Variants in PHLDA1 observed in about 807,000 individuals in gnomAD.
PHLDA1 encodes the protein pleckstrin homology-like domain family A member 1.
Under a neutral mutation model 33.8 loss-of-function variants are expected in PHLDA1, and 28 were observed. The ratio of observed to expected loss-of-function variants is 0.83; its 90% CI spans 0.61 to 1.14. PHLDA1 has a LOEUF of 1.14. Among genes scored for constraint, PHLDA1 ranks in the 50% most tolerant of loss-of-function variants. The pLI is 0.00. For synonymous variants in PHLDA1, 271 were observed against 243.6 expected, an observed-to-expected ratio of 1.11 and a Z score of -1.05; for missense variants, 595 against 548.6, an observed-to-expected ratio of 1.08 and a Z score of -0.84.
exon 2 of PHLDA1, chr12:76,028,620 TTC>T (rs1348098380): frequency 6.6e-6 from 1 of 152,614 alleles, no homozygotes; most frequent in Non-Finnish European, 1.5e-5. Flanking sequence ...GACCAAGACT[TTC>T]TGTGAAAAAG....
chr12:76,031,544 G>T lies in PHLDA1; in HGVS notation c.198C>A (p.Ser66Arg). The T allele has an allele frequency of 6.5e-7, 1 of 1,547,492 alleles. No homozygotes were observed. Among genetic ancestry groups the T allele is most frequent in the Non-Finnish European group, 8.7e-7 (1 of 1,150,652 alleles). Residue 66 changes from serine to arginine, a missense_variant, in exon 1 of 2, where the codon AGC becomes AGA. Physicochemically the swap from Ser to Arg is moderately radical, Grantham distance 110 (BLOSUM62 -1). Around this residue, in one of 3 missense-constraint regions of PHLDA1, gnomAD observed 263 missense variants for 232.3 expected, o/e 1.13. Transcript: ENST00000266671. This position sits in a 1 kb window ranked among gnomAD's most constrained non-coding sequence, Gnocchi z 5.4. ...TCCTGATGCGCCACAAGGTCCCGGA[G>T]CTCCGAGCTGCCGGGCCTCTGCCGT...
At chr12:76,030,998 C>G in exon 1 of PHLDA1, 1 of 1,613,690 alleles carries the variant, frequency 6.2e-7, no homozygotes, top group Non-Finnish European at 8.5e-7. Context: ...AGTACATGTA[C>G]TTGCCCTTGC....
Position 76,031,566 on chromosome 12 carries a change from C to T in PHLDA1, c.176G>A (p.Gly59Asp). 1 of 1,567,488 alleles carries T rather than the reference C, an allele frequency of 6.4e-7. No homozygotes were observed. Among genetic ancestry groups the T allele is most frequent in the Admixed American group, 1.8e-5 (1 of 54,170 alleles). The change falls in exon 1 of 2, where the codon GGC becomes GAC. Residue 59 changes from glycine to aspartate, a missense_variant. Transcript: ENST00000266671. This position sits in a 1 kb window ranked among gnomAD's most constrained non-coding sequence, Gnocchi z 5.4. ...GGAGCTCCGAGCTGCCGGGCCTCTG[C>T]CGTCCTCTTGCGAGCGCTCACTGAA...
exon 1 of PHLDA1, chr12:76,030,510 C>T (rs1342283416): frequency 9.3e-6 from 15 of 1,608,798 alleles, no homozygotes; most frequent in Non-Finnish European, 1.3e-5. Context: ...GGGACCTTAC[C>T]TTGTCTTGCC....
At position 76,031,640 on chromosome 12, in the gene PHLDA1, C is replaced by T; in HGVS notation, c.102G>A (p.Trp34Ter). The change falls in exon 1 of 2, where the codon TGG becomes TGA. Residue 34 changes from tryptophan (W) to a stop codon, truncating the protein, a stop_gained. Transcript: ENST00000266671. LOFTEE classifies it high-confidence loss of function. The surrounding 1 kb of genome is among the most constrained non-coding windows in gnomAD (Gnocchi z 5.4). ...GGCGCTTTTGAATGGGCCATCTTCC[C>T]CACCCCCGAGTGACACCCAGCGGAA... 1.3e-6 allele frequency: 2 copies of T among 1,555,366 alleles called. No homozygotes were observed. The highest frequency in any genetic ancestry group is 1.4e-5 in the African/African-American group (1 of 70,656).
chr12:76,031,425 C>A lies in PHLDA1; in HGVS notation c.317G>T (p.Gly106Val). 2 of 1,552,588 alleles carry A rather than the reference C, an allele frequency of 1.3e-6. No individual in the cohort carries two copies. The highest frequency in any genetic ancestry group is 2.4e-5 in the East Asian group (1 of 42,162). ...CGCGCCGTCCTCGCCCCAGCGGCTCCCACGGCCGCCTGCCCGGAGCGCGCA... is the reference window on the plus strand; with the variant it reads ...CGCGCCGTCCTCGCCCCAGCGGCTCACACGGCCGCCTGCCCGGAGCGCGCA... Residue 106 changes from glycine (G) to valine (V), a missense_variant, in exon 1 of 2, where the codon GGG becomes GTG. This residue lies in a region of PHLDA1 where 263 missense variants were observed against 232.3 expected (regional missense o/e 1.13). Transcript: ENST00000266671. The surrounding 1 kb of genome is among the most constrained non-coding windows in gnomAD (Gnocchi z 5.4).
rs754973888 is a variant in PHLDA1, at chr12:76,031,186, G to C, written c.556C>G (p.Gln186Glu). ...TGCTGCTGCTGCTGGTGTTGCAGCT[G>C]CTTGGGCGGGATAAGCAGCAGCCCT... Residue 186 changes from glutamine to glutamate, a missense_variant, in exon 1 of 2, where the codon CAG (glutamine) becomes GAG (glutamate). By Grantham distance (29) the Gln-to-Glu change is conservative. Transcript: ENST00000266671. The surrounding 1 kb of genome is among the most constrained non-coding windows in gnomAD (Gnocchi z 5.4). The C allele has an allele frequency of 3.1e-6, 5 of 1,612,830 alleles. No individual in the cohort carries two copies. In the East Asian group the frequency reaches 6.7e-5, roughly 22 times the overall value.
chr12:76,031,151 C>T lies in PHLDA1; in HGVS notation c.591G>A (p.Gln197=), dbSNP rs1205181414. The change falls in exon 1 of 2, where the codon CAG becomes CAA. Residue 197 remains glutamine, a synonymous_variant. Coordinates refer to ENST00000266671, the Ensembl canonical transcript of PHLDA1. The surrounding 1 kb of genome is among the most constrained non-coding windows in gnomAD (Gnocchi z 5.4). ...CGGGCTGTTGTTGCTGCTGCTGCTG[C>T]TGCTGTTGCTGCTGCTGCTGCTGGT... 4.8e-6 allele frequency: 7 copies of T among 1,452,264 alleles called. No individual in the cohort carries two copies. The highest frequency in any genetic ancestry group is 6.3e-6 in the Non-Finnish European group (7 of 1,105,320). The allele number at this position is 1,452,264 out of a possible 1,614,324, so 90.0% of individuals were successfully genotyped here.
In PHLDA1 at chr12:76,031,455, A is replaced by T. The variant is rs748245685; in HGVS notation, c.287T>A (p.Leu96His). The T allele has an allele frequency of 3.1e-5, 48 of 1,537,578 alleles. No homozygotes were observed. The highest frequency in any genetic ancestry group is 4.1e-5 in the Non-Finnish European group (47 of 1,143,780). Residue 96 changes from leucine (L) to histidine (H), a missense_variant, in exon 1 of 2, where the codon CTC (leucine) becomes CAC (histidine). Physicochemically the swap from Leu to His is moderately conservative, Grantham distance 99 (BLOSUM62 -3). Transcript: ENST00000266671. This position sits in a 1 kb window ranked among gnomAD's most constrained non-coding sequence, Gnocchi z 5.4. Reference sequence around the variant, plus strand: ...GCCGCCTGCCCGGAGCGCGCAGAGGAGGCTAACACGCAGGAGGCAGAGCGG... The same window carrying T: ...GCCGCCTGCCCGGAGCGCGCAGAGGTGGCTAACACGCAGGAGGCAGAGCGG...
exon 2 of PHLDA1, chr12:76,028,169 CATATACAT>C (rs1212832213): frequency 6.6e-6 from 1 of 152,132 alleles, no homozygotes; most frequent in East Asian, 1.9e-4. Context: ...GCTCTCATTT[CATATACAT>C]ATATACATAC....
exon 2 of PHLDA1, chr12:76,026,305 C>A (rs886971777): frequency 1.3e-5 from 2 of 152,184 alleles, no homozygotes. Context: ...AAGTCTTAGA[C>A]CACTCTTCTA....
exon 1 of PHLDA1, chr12:76,030,673 G>C: frequency 2.5e-6 from 3 of 1,203,932 alleles, no homozygotes; most frequent in Non-Finnish European, 1.2e-6. Context: ...GAGTGTGGAT[G>C]TGGATGTGGA....
chr12:76,029,672 C>T (rs938389202), exon 2 of PHLDA1: 2 of 152,558 alleles, frequency 1.3e-5, no homozygotes, highest in African/African-American at 4.8e-5. Flanking sequence ...TTTTCCCCTC[C>T]ACCGCCCTTT....
chr12:76,030,432 T>A lies in PHLDA1; in HGVS notation c.*26+78A>T, dbSNP rs1870865464. On this transcript the variant is annotated intron_variant, in intron 1 of 1. Transcript: ENST00000266671. Reference sequence around the variant, plus strand: ...GATTTCTCCATACAGGAGCCGAACCTGTGAACAAGCTTCCTACTCCTCCCA... The same window carrying A: ...GATTTCTCCATACAGGAGCCGAACCAGTGAACAAGCTTCCTACTCCTCCCA... 24 of 1,140,570 alleles carry A rather than the reference T, an allele frequency of 2.1e-5. No individual in the cohort carries two copies. In the South Asian group the frequency reaches 3.3e-4, roughly 16 times the overall value. 70.7% of individuals were successfully genotyped at this position (1,140,570 alleles called of 1,614,324 possible).
rs755447642 is a variant in PHLDA1, at chr12:76,031,552, C to G, written c.190G>C (p.Ala64Pro). 2.6e-5 allele frequency: 41 copies of G among 1,553,132 alleles called. No individual in the cohort carries two copies. The highest frequency in any genetic ancestry group is 3.5e-5 in the Non-Finnish European group (40 of 1,153,538). ...CGCCACAAGGTCCCGGAGCTCCGAG[C>G]TGCCGGGCCTCTGCCGTCCTCTTGC... Residue 64 changes from alanine (A) to proline (P), a missense_variant, in exon 1 of 2, where the codon GCT becomes CCT. Transcript: ENST00000266671. The surrounding 1 kb of genome is among the most constrained non-coding windows in gnomAD (Gnocchi z 5.4).
At chr12:76,029,737 C>T (rs879389113) in exon 2 of PHLDA1, 7 of 152,378 alleles carry the variant, frequency 4.6e-5, no homozygotes, top group Non-Finnish European at 8.8e-5. Context: ...AATAAAGTTT[C>T]CTTTTTGGAA....
chr12:76,031,572 T>A lies in PHLDA1; in HGVS notation c.170A>T (p.Glu57Val), dbSNP rs1183069932. The stretch of plus-strand genomic sequence containing the variant: ...CCGAGCTGCCGGGCCTCTGCCGTCC[T>A]CTTGCGAGCGCTCACTGAAGGGCAC... Residue 57 changes from glutamate to valine, a missense_variant, in exon 1 of 2, where the codon GAG (glutamate) becomes GTG (valine). This residue lies in a region of PHLDA1 where 263 missense variants were observed against 232.3 expected (regional missense o/e 1.13). Coordinates refer to ENST00000266671, the Ensembl canonical transcript of PHLDA1. This position sits in a 1 kb window ranked among gnomAD's most constrained non-coding sequence, Gnocchi z 5.4. The A allele has an allele frequency of 3.2e-6, 5 of 1,572,644 alleles. No homozygotes were observed. The highest frequency in any genetic ancestry group is 4.3e-6 in the Non-Finnish European group (5 of 1,162,114).
At position 76,031,432 on chromosome 12, in the gene PHLDA1, C is replaced by A. The variant is rs750110376; in HGVS notation, c.310G>T (p.Gly104Cys). Reference sequence around the variant, plus strand: ...TCCTCGCCCCAGCGGCTCCCACGGCCGCCTGCCCGGAGCGCGCAGAGGAGG... The same window carrying A: ...TCCTCGCCCCAGCGGCTCCCACGGCAGCCTGCCCGGAGCGCGCAGAGGAGG... The change falls in exon 1 of 2, where the codon GGC becomes TGC. Residue 104 changes from glycine (G) to cysteine (C), a missense_variant. This residue lies in a region of PHLDA1 where 263 missense variants were observed against 232.3 expected (regional missense o/e 1.13). Transcript: ENST00000266671. This position sits in a 1 kb window ranked among gnomAD's most constrained non-coding sequence, Gnocchi z 5.4. The A allele has an allele frequency of 5.8e-6, 9 of 1,545,818 alleles. No individual in the cohort carries two copies. Among genetic ancestry groups the A allele is most frequent in the Middle Eastern group, 1.8e-4 (1 of 5,440 alleles).
In PHLDA1 at chr12:76,031,588, T is replaced by G; in HGVS notation, c.154A>C (p.Ser52Arg). 1 of 1,578,080 alleles carries G rather than the reference T, an allele frequency of 6.3e-7. No homozygotes were observed. Among genetic ancestry groups the G allele is most frequent in the Middle Eastern group, 1.7e-4 (1 of 5,932 alleles). The change falls in exon 1 of 2, where the codon AGT (serine) becomes CGT (arginine). Residue 52 changes from serine to arginine, a missense_variant. Ser to Arg is a moderately radical substitution (Grantham distance 110). This residue lies in a region of PHLDA1 where 263 missense variants were observed against 232.3 expected (regional missense o/e 1.13). Transcript: ENST00000266671. This position sits in a 1 kb window ranked among gnomAD's most constrained non-coding sequence, Gnocchi z 5.4. ...CTGCCGTCCTCTTGCGAGCGCTCAC[T>G]GAAGGGCACTGGCCGGGCCCCCTCG... is the stretch of plus-strand genomic sequence containing the variant.
Sources: gnomAD v4.1 joint callset for allele counts on GRCh38, gnomAD v4.1.1 for gene constraint, gnomAD v4.1.1 regional missense constraint, Gnocchi (gnomAD v3.1) non-coding constraint, MANE v1.5 for transcripts, NCBI Gene and HGNC (gene_info 2026-07-23, HGNC 2026-07-21) for gene names.